SEMA5A: variants seen among roughly 807,000 people sequenced by gnomAD.
SEMA5A encodes the protein semaphorin-5A.
A neutral mutation model predicts 135.5 loss-of-function variants in SEMA5A; 55 were observed. The observed-to-expected ratio is 0.41, with a 90% CI of 0.33 to 0.51. The LOEUF (loss-of-function observed/expected upper bound fraction) is 0.51. SEMA5A is among the 20% of genes least tolerant of loss of function. The pLI is 0.37. For synonymous variants in SEMA5A, 580 were observed against 546.5 expected, an observed-to-expected ratio of 1.06 and a Z score of -0.85; for missense variants, 1,290 against 1,419.9, an observed-to-expected ratio of 0.91 and a Z score of 1.47.
intron 2 of SEMA5A, among the ~76,000 whole-genome samples, chr5:9,403,508 G>C (rs182554959): frequency 6.6e-6 from 1 of 152,238 alleles, no homozygotes; most frequent in Admixed American, 6.5e-5. Context: ...TCAGCTGCTC[G>C]TTACAACACT....
At chr5:9,129,009 T>C (rs1560943706) in intron 13 of SEMA5A, among the ~76,000 whole-genome samples, 1 of 152,240 alleles carries the variant, frequency 6.6e-6, no homozygotes, top group Non-Finnish European at 1.5e-5. Flanking sequence ...TGAGAACCAC[T>C]GCACCAGACA....
intron 11 of SEMA5A, among the ~76,000 whole-genome samples, chr5:9,158,579 G>A (rs1003996751): frequency 6.6e-6 from 1 of 151,868 alleles, no homozygotes; most frequent in African/African-American, 2.4e-5. Flanking sequence ...ATGTGAGGTG[G>A]AGCTGCAGAA....
intron 1 of SEMA5A, among the ~76,000 whole-genome samples, chr5:9,444,578 T>C (rs1408847648): frequency 1.3e-5 from 2 of 152,240 alleles, no homozygotes; most frequent in African/African-American, 4.8e-5. Flanking sequence ...AGTTTCTTTA[T>C]TCACTTGTTC....
intron 4 of SEMA5A, among the ~76,000 whole-genome samples, chr5:9,325,356 T>C (rs977960469): frequency 6.6e-6 from 1 of 152,188 alleles, no homozygotes; most frequent in African/African-American, 2.4e-5. Context: ...TCCAATGGGC[T>C]GAATAATTCA....
chr5:9,526,917 T>C (rs1011968764), intron 1 of SEMA5A, among the ~76,000 whole-genome samples: 2 of 152,194 alleles, frequency 1.3e-5, no homozygotes, highest in East Asian at 3.8e-4. Flanking sequence ...CTCAAGCTGT[T>C]CCCCTTTGCA....
chr5:9,250,272 T>C (rs1748703873), intron 5 of SEMA5A, among the ~76,000 whole-genome samples: 1 of 152,138 alleles, frequency 6.6e-6, no homozygotes, highest in Non-Finnish European at 1.5e-5. Context: ...TTTGATCATG[T>C]AGATGTGTGG....
intron 12 of SEMA5A, among the ~76,000 whole-genome samples, chr5:9,150,330 G>A (rs1742564339): frequency 6.6e-6 from 1 of 152,062 alleles, no homozygotes; most frequent in African/African-American, 2.4e-5. Flanking sequence ...CACAGATGTG[G>A]TCAATAAGGC....
chr5:9,144,624 G>A (rs1742233518), intron 12 of SEMA5A, among the ~76,000 whole-genome samples: 1 of 152,214 alleles, frequency 6.6e-6, no homozygotes, highest in Admixed American at 6.5e-5. Context: ...GTGAAGGCAA[G>A]CACCTGGCTC....
chr5:9,404,102 T>C (rs1374194060), intron 2 of SEMA5A, among the ~76,000 whole-genome samples: 2 of 152,118 alleles, frequency 1.3e-5, no homozygotes, highest in African/African-American at 4.8e-5. Flanking sequence ...GCCAGGCTAA[T>C]TTTGTATTTT....
chr5:9,072,848 T>C (rs1737844911), intron 16 of SEMA5A, among the ~76,000 whole-genome samples: 1 of 152,108 alleles, frequency 6.6e-6, no homozygotes, highest in South Asian at 2.1e-4. Flanking sequence ...TTACCGGATA[T>C]GGAAAGAGGC....
At chr5:9,079,668 T>C (rs2150099925) in intron 16 of SEMA5A, among the ~76,000 whole-genome samples, 1 of 152,056 alleles carries the variant, frequency 6.6e-6, no homozygotes, top group Middle Eastern at 3.4e-3. Flanking sequence ...ATATCCAGAA[T>C]CTACAAAGAA....
intron 18 of SEMA5A, among the ~76,000 whole-genome samples, chr5:9,056,433 A>G (rs1579314269): frequency 6.6e-6 from 1 of 152,196 alleles, no homozygotes; most frequent in African/African-American, 2.4e-5. Flanking sequence ...AAAAAATTAA[A>G]AACAGAGGCC....
rs772722913 is a variant in SEMA5A at position 9,226,886 on chromosome 5, C to T, written c.415G>A (p.Val139Ile). The T allele has an allele frequency of 1.2e-6, 2 of 1,602,566 alleles. No homozygotes were observed. Among genetic ancestry groups the T allele is most frequent in the African/African-American group, 1.3e-5 (1 of 74,640 alleles). ...FTCGTNAFTPVCTNRSLSNLT... is the reference protein window; with the variant it reads ...FTCGTNAFTPICTNRSLSNLT... The stretch of plus-strand genomic sequence containing the variant: ...AGCCATACCGAGCGGTTGGTGCAGA[C>T]AGGCGTGAATGCATTGGTCCCACAG... The change falls in exon 7 of 23, where the codon GTC (valine) becomes ATC (isoleucine). Residue 139 changes from valine to isoleucine, a missense_variant. Physicochemically the swap from Val to Ile is conservative, Grantham distance 29 (BLOSUM62 3). Around this residue, in one of 3 missense-constraint regions of SEMA5A, gnomAD observed 145 missense variants for 212.0 expected, o/e 0.68. Coordinates refer to ENST00000382496, the MANE Select transcript of SEMA5A (RefSeq NM_003966.3).
chr5:9,524,916 G>C (rs1737043177), intron 1 of SEMA5A, among the ~76,000 whole-genome samples: 1 of 152,172 alleles, frequency 6.6e-6, no homozygotes, highest in African/African-American at 2.4e-5. Context: ...TGACACTTTG[G>C]CTTAGATACC....
chr5:9,302,364 G>A (rs1028446467), intron 5 of SEMA5A, among the ~76,000 whole-genome samples: 10 of 152,196 alleles, frequency 6.6e-5, no homozygotes, highest in Non-Finnish European at 1.5e-4. Context: ...GGCACTGACA[G>A]ATGCACCTTA....
intron 5 of SEMA5A, among the ~76,000 whole-genome samples, chr5:9,271,537 T>G (rs550712852): frequency 6.6e-6 from 1 of 152,148 alleles, no homozygotes; most frequent in Non-Finnish European, 1.5e-5. Flanking sequence ...AGAGACTTAC[T>G]GAATGGTTTT....
At chr5:9,167,868 G>C (rs1417957784) in intron 11 of SEMA5A, among the ~76,000 whole-genome samples, 1 of 152,200 alleles carries the variant, frequency 6.6e-6, no homozygotes, top group African/African-American at 2.4e-5. Flanking sequence ...TAGGCCGTCA[G>C]TTGAGTCTTA....
intron 4 of SEMA5A, among the ~76,000 whole-genome samples, chr5:9,333,791 G>A (rs1245610092): frequency 1.3e-5 from 2 of 152,108 alleles, no homozygotes; most frequent in African/African-American, 4.8e-5. Flanking sequence ...TAACTGAAAT[G>A]CTTCACTGTG....
rs189201933 is a variant in SEMA5A at position 9,139,972 on chromosome 5, C to A, written c.1482-3351G>T. On this transcript the variant is annotated intron_variant, in intron 12 of 22. Transcript: ENST00000382496. ...CCTCCTCATAAACAAACAAACAAAT[C>A]AAAAATCACAAATACATATTAAAAA... Among the ~76,000 whole-genome samples the A allele has an allele frequency of 1.1e-3, 172 of 151,784 alleles. 1 individual carries two copies. Among genetic ancestry groups the A allele is most frequent in the African/African-American group, 3.9e-3 (162 of 41,496 alleles).
Sources: gnomAD v4.1 joint callset for allele counts (sites outside exome capture counted in the v4.1 genomes callset) on GRCh38, gnomAD v4.1.1 for gene constraint, gnomAD v4.1.1 regional missense constraint, MANE v1.5 for transcripts, NCBI Gene and HGNC (gene_info 2026-07-23, HGNC 2026-07-21) for gene names.